The following SPTB variants were observed in gnomAD, a reference collection of about 807,000 sequenced individuals.
SPTB encodes spectrin beta, erythrocytic, also known as spectrin beta chain, erythrocytic.
Under a neutral mutation model 256.2 loss-of-function variants are expected in SPTB, and 45 were observed. The observed-to-expected ratio is 0.18, with a 90% CI of 0.14 to 0.23. SPTB has a LOEUF of 0.23. Ranked by LOEUF, SPTB falls within the 10% of genes least tolerant of loss-of-function variation. SPTB has a pLI of 1.00. For synonymous variants in SPTB, 1,231 were observed against 1,243.1 expected, an observed-to-expected ratio of 0.99 and a Z score of 0.21; for missense variants, 2,715 against 3,040.4, an observed-to-expected ratio of 0.89 and a Z score of 2.52.
At position 64,786,660 on chromosome 14, in the gene SPTB, T is replaced by C. The variant is rs1241237774; in HGVS notation, c.3305A>G (p.Gln1102Arg). 1.9e-6 allele frequency: 3 copies of C among 1,613,968 alleles called. No homozygotes were observed. Among genetic ancestry groups the C allele is most frequent in the African/African-American group, 2.7e-5 (2 of 74,930 alleles). Residue 1102 changes from glutamine to arginine, a missense_variant, in exon 16 of 36, where the codon CAG becomes CGG. Gln to Arg is a conservative substitution (Grantham distance 43). This residue lies in a region of SPTB where 2,239 missense variants were observed against 2,384.4 expected (regional missense o/e 0.94). Coordinates refer to ENST00000644917, the MANE Select transcript of SPTB (RefSeq NM_001355436.2). The surrounding 1 kb of genome is among the most constrained non-coding windows in gnomAD (Gnocchi z 5.6). ...SLPEAEQLLQ[Q>R]HAGIKDEIDG... ...AATCTCATCCTTGATACCTGCATGC[T>C]GCTGCAGGAGCTGCTCAGCCTCTGG... is the stretch of plus-strand genomic sequence containing the variant.
At chr14:64,776,246 C>T (rs1295785851) in intron 22 of SPTB, among the ~76,000 whole-genome samples, 2 of 152,170 alleles carry the variant, frequency 1.3e-5, no homozygotes, top group African/African-American at 2.4e-5. Context: ...CAGTGATGGC[C>T]AGCATTTAAA....
rs75984771 is a variant in SPTB, at chr14:64,821,656, C to T, written c.148+1291G>A. On this transcript the variant is annotated intron_variant, in intron 2 of 35. Transcript: ENST00000644917. ...CAATGGGTCACCGTTATGGTCCGTC[C>T]CCAAGGGAAACCAAGGGAGAATTTT... 1.6e-3 allele frequency among the ~76,000 whole-genome samples: 241 copies of T among 152,224 alleles called. 2 individuals are homozygous for T. Among genetic ancestry groups the T allele is most frequent in the African/African-American group, 5.5e-3 (229 of 41,532 alleles).
chr14:64,775,402 G>C lies in SPTB; in HGVS notation c.4565C>G (p.Thr1522Arg). ...TVQLFMKKNQ[T>R]LQNEILGHTP... ...ATGGCCCAGAATCTCATTCTGCAGTGTCTGCGGCCAGAAGGAAGGGCTCGG... is the reference window on the plus strand; with the variant it reads ...ATGGCCCAGAATCTCATTCTGCAGTCTCTGCGGCCAGAAGGAAGGGCTCGG... Residue 1522 changes from threonine to arginine, a missense_variant and splice_region_variant, in exon 23 of 36, where the codon ACA becomes AGA. Physicochemically the swap from Thr to Arg is moderately conservative, Grantham distance 71. Around this residue, in one of 4 missense-constraint regions of SPTB, gnomAD observed 2,239 missense variants for 2,384.4 expected, o/e 0.94. Coordinates refer to ENST00000644917, the MANE Select transcript of SPTB (RefSeq NM_001355436.2). This position sits in a 1 kb window ranked among gnomAD's most constrained non-coding sequence, Gnocchi z 5.0. The C allele has an allele frequency of 6.2e-7, 1 of 1,611,034 alleles. No homozygotes were observed. The highest frequency in any genetic ancestry group is 1.1e-5 in the South Asian group (1 of 90,978).
In SPTB at chr14:64,773,010, C is replaced by T. The variant is rs1051639565; in HGVS notation, c.5179-56G>A. The T allele has an allele frequency of 3.0e-4, 468 of 1,582,252 alleles. 4 individuals carry two copies. The highest frequency in any genetic ancestry group is 6.8e-5 in the Admixed American group (4 of 58,860). On this transcript the variant is annotated intron_variant, in intron 25 of 35. Coordinates refer to ENST00000644917, the MANE Select transcript of SPTB (RefSeq NM_001355436.2). Reference sequence around the variant, plus strand: ...TGGGGGGCACAGGGGTTACAGGTGTCACCAGCTTAGCCAAAGACTTTCCCA... The same window carrying T: ...TGGGGGGCACAGGGGTTACAGGTGTTACCAGCTTAGCCAAAGACTTTCCCA...
At chr14:64,798,141 G>A (rs1428948894) in intron 9 of SPTB, among the ~76,000 whole-genome samples, 1 of 152,118 alleles carries the variant, frequency 6.6e-6, no homozygotes, top group Non-Finnish European at 1.5e-5. Flanking sequence ...AGGTATTCTG[G>A]TAATTCCTGT....
At chr14:64,870,668 G>T (rs781763799) in intron 1 of SPTB, among the ~76,000 whole-genome samples, 7 of 152,302 alleles carry the variant, frequency 4.6e-5, no homozygotes, top group Non-Finnish European at 8.8e-5. Context: ...ATAAATTTTT[G>T]CCCTTCCCTT....
intron 32 of SPTB, chr14:64,757,329 T>C (rs1463037472): frequency 1.3e-5 from 2 of 152,224 alleles, no homozygotes; most frequent in Admixed American, 6.5e-5. Context: ...AAAATAGAGA[T>C]GGATTTTGCC....
chr14:64,773,037 G>A lies in SPTB; in HGVS notation c.5179-83C>T, dbSNP rs2082302400. The A allele has an allele frequency of 2.5e-5, 39 of 1,570,144 alleles. 1 individual carries two copies. The South Asian group carries it at 4.1e-4, about 17-fold the overall frequency. Reference sequence around the variant, plus strand: ...CCAGCTTAGCCAAAGACTTTCCCAGGCAGCAACTGCAGCTCCGGGAGCTGC... The same window carrying A: ...CCAGCTTAGCCAAAGACTTTCCCAGACAGCAACTGCAGCTCCGGGAGCTGC... On this transcript the variant is annotated intron_variant, in intron 25 of 35. Coordinates refer to ENST00000644917, the MANE Select transcript of SPTB (RefSeq NM_001355436.2).
intron 1 of SPTB, among the ~76,000 whole-genome samples, chr14:64,836,455 T>C (rs2083523563): frequency 6.6e-6 from 1 of 152,164 alleles, no homozygotes; most frequent in Non-Finnish European, 1.5e-5. Flanking sequence ...TAACATGCAG[T>C]GTCTCTCGGT....
chr14:64,751,650 A>G (rs1193385559), intron 33 of SPTB, among the ~76,000 whole-genome samples: 1 of 152,102 alleles, frequency 6.6e-6, no homozygotes, highest in Non-Finnish European at 1.5e-5. Context: ...TTTTTACAAT[A>G]TTTCTACATC....
Position 64,792,985 on chromosome 14 carries a change from G to C in SPTB, c.2666+12C>G, listed in dbSNP as rs779178924. The stretch of plus-strand genomic sequence containing the variant: ...GTACAGGGACGTGAGGAAAAGATGA[G>C]TTAACTCTGACCTGTGCTGCACGAC... On this transcript the variant is annotated intron_variant, in intron 14 of 35. Coordinates refer to ENST00000644917, the MANE Select transcript of SPTB (RefSeq NM_001355436.2). The surrounding 1 kb of genome is among the most constrained non-coding windows in gnomAD (Gnocchi z 4.2). 3 of 1,613,712 alleles carry C rather than the reference G, an allele frequency of 1.9e-6. No individual in the cohort carries two copies. The highest frequency in any genetic ancestry group is 2.5e-6 in the Non-Finnish European group (3 of 1,180,034).
intron 15 of SPTB, among the ~76,000 whole-genome samples, chr14:64,789,202 A>G (rs530629012): frequency 6.6e-6 from 1 of 152,194 alleles, no homozygotes; most frequent in African/African-American, 2.4e-5. Flanking sequence ...AAAACAAAAA[A>G]TTAGCTGGGT....
rs901140091 is a variant in SPTB, at chr14:64,847,766, AT to A, written c.-51-24622del. On this transcript the variant is annotated intron_variant, in intron 1 of 35. Transcript: ENST00000644917. This position sits in a 1 kb window ranked among gnomAD's most constrained non-coding sequence, Gnocchi z 5.9. Reference sequence around the variant, plus strand: ...TTGCAGAGTTCATGCCTAACACAGCATGCCACCCTTTGCTGTCGTGTCAGCC... The same window carrying A: ...TTGCAGAGTTCATGCCTAACACAGCAGCCACCCTTTGCTGTCGTGTCAGCC... 6.6e-6 allele frequency among the ~76,000 whole-genome samples: 1 copy of A among 152,212 alleles called. No individual in the cohort carries two copies. Among genetic ancestry groups the A allele is most frequent in the African/African-American group, 2.4e-5 (1 of 41,452 alleles).
chr14:64,815,658 G>A (rs1432569714), intron 2 of SPTB, among the ~76,000 whole-genome samples: 1 of 152,226 alleles, frequency 6.6e-6, no homozygotes, highest in Non-Finnish European at 1.5e-5. Context: ...CCTCAGCCTA[G>A]GTGATGCCTT....
At chr14:64,773,531 TAGGG>T in intron 24 of SPTB, 107 bp from the exon 25 acceptor site, 1 of 1,196,748 alleles carries the variant, frequency 8.4e-7, no homozygotes, top group Non-Finnish European at 1.2e-6. Flanking sequence ...CAGGGATAGG[TAGGG>T]AGTGAAGCTC....
At position 64,844,118 on chromosome 14, in the gene SPTB, C is replaced by A. The variant is rs1449863597; in HGVS notation, c.-51-20973G>T. ...ACCTACCCATCCTCAAAATGGTACA[C>A]CCAGGCTGGGTAGAGAATCTTCACG... On this transcript the variant is annotated intron_variant, in intron 1 of 35. Coordinates refer to ENST00000644917, the MANE Select transcript of SPTB (RefSeq NM_001355436.2). The surrounding 1 kb of genome is among the most constrained non-coding windows in gnomAD (Gnocchi z 4.1). Among the ~76,000 whole-genome samples, 2 of 152,168 alleles carry A rather than the reference C, an allele frequency of 1.3e-5. No homozygotes were observed. The highest frequency in any genetic ancestry group is 4.8e-5 in the African/African-American group (2 of 41,422).
At chr14:64,869,401 T>C (rs1882386794) in intron 1 of SPTB, among the ~76,000 whole-genome samples, 1 of 152,182 alleles carries the variant, frequency 6.6e-6, no homozygotes, top group African/African-American at 2.4e-5. Flanking sequence ...TCTAACCAAC[T>C]GAGCTAACTG....
At chr14:64,794,640 G>A in intron 12 of SPTB, 23 bp from the exon 13 acceptor site, 1 of 1,612,164 alleles carries the variant, frequency 6.2e-7, no homozygotes, top group Non-Finnish European at 8.5e-7. Flanking sequence ...ACAGCAGAAA[G>A]GAAATGAGGA....
intron 20 of SPTB, 98 bp downstream of exon 20, chr14:64,782,192 C>T: frequency 6.4e-7 from 1 of 1,565,776 alleles, no homozygotes; most frequent in Non-Finnish European, 8.8e-7. Flanking sequence ...CAAACCTTCA[C>T]ATGTACCCCC....
Sources: allele counts gnomAD v4.1 joint callset (sites outside exome capture counted in the v4.1 genomes callset), GRCh38; gene constraint gnomAD v4.1.1; regional missense constraint gnomAD v4.1.1; non-coding constraint Gnocchi (gnomAD v3.1); transcripts MANE v1.5; gene names NCBI Gene and HGNC (gene_info 2026-07-23, HGNC 2026-07-21).